Variants in PIP5K1B observed in about 807,000 individuals in gnomAD.
PIP5K1B encodes the protein phosphatidylinositol 4-phosphate 5-kinase type-1 beta.
A neutral mutation model predicts 67.0 loss-of-function variants in PIP5K1B; 42 were observed. The observed-to-expected ratio is 0.63, with a 90% CI of 0.49 to 0.81. The LOEUF is 0.81. PIP5K1B is among the 30% of genes least tolerant of loss of function. The pLI is 0.00. For missense variants in PIP5K1B, 459 were observed against 646.3 expected (o/e 0.71, Z 3.14); for synonymous variants, 214 against 231.4 (o/e 0.92, Z 0.68).
chr9:68,810,569 A>G (rs1005642682), intron 2 of PIP5K1B, among the ~76,000 whole-genome samples: 1 of 152,182 alleles, frequency 6.6e-6, no homozygotes, highest in Non-Finnish European at 1.5e-5. Flanking sequence ...GGTAATTAGC[A>G]ATTCTCCCAC....
At chr9:68,756,092 A>G (rs1829911121) in intron 2 of PIP5K1B, among the ~76,000 whole-genome samples, 1 of 152,232 alleles carries the variant, frequency 6.6e-6, no homozygotes, top group Non-Finnish European at 1.5e-5. Flanking sequence ...AGGAGGCTGC[A>G]TAAATTGTCT....
chr9:68,758,870 A>G (rs186784473), intron 2 of PIP5K1B, among the ~76,000 whole-genome samples: 106 of 152,250 alleles, frequency 7.0e-4, no homozygotes, highest in African/African-American at 2.5e-3. Flanking sequence ...GAGGAAAAGA[A>G]TGCATTACCT....
At chr9:68,742,909 G>A (rs2132321958) in intron 2 of PIP5K1B, among the ~76,000 whole-genome samples, 1 of 152,322 alleles carries the variant, frequency 6.6e-6, no homozygotes, top group Non-Finnish European at 1.5e-5. Context: ...GTAGAGAATA[G>A]AGTGGTCAAC....
At chr9:68,766,815 A>G (rs1216788777) in intron 2 of PIP5K1B, among the ~76,000 whole-genome samples, 2 of 152,336 alleles carry the variant, frequency 1.3e-5, no homozygotes, top group Non-Finnish European at 2.9e-5. Flanking sequence ...GTAACCAAAA[A>G]ATATTGTTAG....
chr9:68,941,520 A>G (rs569326401), intron 14 of PIP5K1B, among the ~76,000 whole-genome samples: 1 of 152,352 alleles, frequency 6.6e-6, no homozygotes, highest in African/African-American at 2.4e-5. Context: ...TATGCTCTCT[A>G]GCAACTTTGT....
In PIP5K1B at chr9:68,868,368, T is replaced by C. The variant is rs533777019; in HGVS notation, c.200+4401T>C. On this transcript the variant is annotated intron_variant, in intron 5 of 15. Coordinates refer to ENST00000265382, the MANE Select transcript of PIP5K1B (RefSeq NM_003558.4). ...ATCAAGCATAGTTTTATTCATATAGTAAATTGACTTATATAACATATATTA... is the reference window on the plus strand; with the variant it reads ...ATCAAGCATAGTTTTATTCATATAGCAAATTGACTTATATAACATATATTA... Among the ~76,000 whole-genome samples, 4 of 152,362 alleles carry C rather than the reference T, an allele frequency of 2.6e-5. No homozygotes were observed. In the East Asian group the frequency reaches 7.7e-4, roughly 29 times the overall value.
intron 2 of PIP5K1B, among the ~76,000 whole-genome samples, chr9:68,789,975 A>G (rs1831867431): frequency 6.6e-6 from 1 of 152,176 alleles, no homozygotes; most frequent in Admixed American, 6.5e-5. Flanking sequence ...ATATACATAT[A>G]TATAAACAGA....
intron 14 of PIP5K1B, among the ~76,000 whole-genome samples, chr9:68,962,521 A>G (rs1360904434): frequency 6.6e-6 from 1 of 152,184 alleles, no homozygotes; most frequent in Non-Finnish European, 1.5e-5. Flanking sequence ...GATAGATTTT[A>G]TTGTTGTTAC....
At chr9:68,735,189 T>C (rs1330826416) in intron 1 of PIP5K1B, among the ~76,000 whole-genome samples, 1 of 152,126 alleles carries the variant, frequency 6.6e-6, no homozygotes, top group African/African-American at 2.4e-5. Flanking sequence ...AGAGAATTCT[T>C]ATATACCCCA....
intron 4 of PIP5K1B, among the ~76,000 whole-genome samples, chr9:68,826,237 C>T (rs569696609): frequency 7.0e-4 from 106 of 152,106 alleles, no homozygotes; most frequent in Non-Finnish European, 1.4e-3. Context: ...GAGTGCTTTC[C>T]GCAAGAGTTG....
At chr9:68,767,021 T>C (rs1433066769) in intron 2 of PIP5K1B, among the ~76,000 whole-genome samples, 1 of 152,160 alleles carries the variant, frequency 6.6e-6, no homozygotes, top group Non-Finnish European at 1.5e-5. Flanking sequence ...GATATTGATA[T>C]TAAGTAGGGT....
intron 8 of PIP5K1B, among the ~76,000 whole-genome samples, chr9:68,911,766 C>T (rs1000606664): frequency 3.3e-5 from 5 of 152,102 alleles, no homozygotes; most frequent in Non-Finnish European, 5.9e-5. Context: ...GCCTGTAGTT[C>T]CAGCCACTCG....
intron 2 of PIP5K1B, chr9:68,780,089 G>T: frequency 3.3e-5 from 45 of 1,367,480 alleles, no homozygotes; most frequent in Middle Eastern, 2.8e-4. Flanking sequence ...GGCGGCAGCG[G>T]CGGCGGCCCT....
chr9:68,780,065 A>C (rs1283958679), intron 2 of PIP5K1B: 1 of 1,418,066 alleles, frequency 7.1e-7, no homozygotes, highest in Non-Finnish European at 9.2e-7. Flanking sequence ...GCCCGCTGAC[A>C]GATTCTCGGT....
chr9:68,898,484 A>T (rs1283619220), intron 8 of PIP5K1B, among the ~76,000 whole-genome samples: 1 of 152,154 alleles, frequency 6.6e-6, no homozygotes, highest in African/African-American at 2.4e-5. Flanking sequence ...GACATCACAG[A>T]TCACTTGCTA....
Position 68,822,607 on chromosome 9 carries a change from T to C in PIP5K1B, c.1-8T>C. The C allele has an allele frequency of 6.2e-7, 1 of 1,606,600 alleles. No individual in the cohort carries two copies. The highest frequency in any genetic ancestry group is 8.5e-7 in the Non-Finnish European group (1 of 1,173,966). ...TGAAGTTCAAAGGGCAGTGTGTTTC[T>C]CTTGTAGATGTCTTCTGCTGCTGAA... On this transcript the variant is annotated splice_polypyrimidine_tract_variant and splice_region_variant and intron_variant, in intron 3 of 15. Coordinates refer to ENST00000265382, the MANE Select transcript of PIP5K1B (RefSeq NM_003558.4).
intron 8 of PIP5K1B, among the ~76,000 whole-genome samples, chr9:68,909,285 T>TTGTC (rs1825750959): frequency 6.6e-6 from 1 of 151,984 alleles, no homozygotes; most frequent in East Asian, 1.9e-4. Flanking sequence ...CTAGGTTTTT[T>TTGTC]TGTTTGTTTG....
chr9:68,829,343 C>G (rs1834160980), intron 4 of PIP5K1B, among the ~76,000 whole-genome samples: 1 of 152,178 alleles, frequency 6.6e-6, no homozygotes, highest in Non-Finnish European at 1.5e-5. Flanking sequence ...CTATGCTGGT[C>G]TCTAGGATGA....
intron 4 of PIP5K1B, among the ~76,000 whole-genome samples, chr9:68,836,963 G>A (rs1322088131): frequency 6.6e-6 from 1 of 152,178 alleles, no homozygotes; most frequent in Non-Finnish European, 1.5e-5. Flanking sequence ...CATGAGAGAG[G>A]AATTTAAACC....
Sources: gnomAD v4.1 joint callset for allele counts (sites outside exome capture counted in the v4.1 genomes callset) on GRCh38, gnomAD v4.1.1 for gene constraint, MANE v1.5 for transcripts, NCBI Gene and HGNC (gene_info 2026-07-23, HGNC 2026-07-21) for gene names.